Variants in HOXB5 observed in about 807,000 individuals in gnomAD.
HOXB5 encodes homeobox protein Hox-B5.
Under a neutral mutation model 19.6 loss-of-function variants are expected in HOXB5, and 10 were observed. That is an observed-to-expected ratio of 0.51 (90% CI 0.32 to 0.87). The LOEUF is 0.87. Among genes scored for constraint, HOXB5 ranks in the 40% least tolerant of loss-of-function variants. The pLI is 0.04. For missense variants in HOXB5, 353 were observed against 369.6 expected (o/e 0.96, Z 0.37); for synonymous variants, 167 against 156.9 (o/e 1.06, Z -0.48).
chr17:48,592,841 C>T (rs2070184412), intron 1 of HOXB5, among the ~76,000 whole-genome samples: 1 of 152,212 alleles, frequency 6.6e-6, no homozygotes, highest in African/African-American at 2.4e-5. Flanking sequence ...GACCCTTCCC[C>T]ACATTATATG....
rs1191833762 is a variant in HOXB5 at position 48,593,501 on chromosome 17, G to A, written c.182C>T (p.Ala61Val). ...CACCGCCCCAAAGTGGCTGGAGGAG[G>A]CCGAGGAGCGGTTGACGCTGAGGTC... ...GMDLSVNRSS[A>V]SSSHFGAVGE... is the part of the protein sequence containing the mutation. Residue 61 changes from alanine (A) to valine (V), a missense_variant, in exon 1 of 2, where the codon GCC (alanine) becomes GTC (valine). By Grantham distance (64) the Ala-to-Val change is moderately conservative. Coordinates refer to ENST00000239151, the MANE Select transcript of HOXB5 (RefSeq NM_002147.4). 6.2e-7 allele frequency: 1 copy of A among 1,613,176 alleles called. No homozygotes were observed. The highest frequency in any genetic ancestry group is 1.7e-5 in the Admixed American group (1 of 60,028).
intron 1 of HOXB5, 50 bp from the exon 2 acceptor site, chr17:48,592,506 A>T: frequency 8.8e-6 from 1 of 113,838 alleles, no homozygotes; most frequent in Non-Finnish European, 1.9e-5. Context: ...CGGTTAAGGG[A>T]GGGGGCACTG....
rs370076117 is a variant in HOXB5, at chr17:48,592,467, T to C, written c.563-11A>G. 61 of 1,526,594 alleles carry C rather than the reference T, an allele frequency of 4.0e-5. No homozygotes were observed. The African/African-American group carries it at 5.8e-4, about 14-fold the overall frequency. The allele number at this position is 1,526,594 out of a possible 1,614,324, so 94.6% of individuals were successfully genotyped here. A position where few individuals can be genotyped will look rare whatever the true frequency, so the allele number is the denominator to read the frequency against. ...CCGGCCCGGTCATATCTGGAGCAGA[T>C]AGAGGAAAGCCGCAAGGCAACATTA... On this transcript the variant is annotated splice_polypyrimidine_tract_variant and intron_variant, in intron 1 of 1. Transcript: ENST00000239151.
Position 48,593,323 on chromosome 17 carries a change from C to T in HOXB5, c.360G>A (p.Gln120=). The change falls in exon 1 of 2, where the codon CAG becomes CAA. Residue 120 remains glutamine (Q), a synonymous_variant. Transcript: ENST00000239151. The part of the protein sequence containing the change: ...AKPSASSPSD[Q]ATSASSSANF... ...TGGCGCTGGAGCTGGCTGAGGTCGC[C>T]TGGTCGGAGGGGGACGAAGCAGAGG... 1 of 1,611,152 alleles carries T rather than the reference C, an allele frequency of 6.2e-7. No individual in the cohort carries two copies. Among genetic ancestry groups the T allele is most frequent in the Non-Finnish European group, 8.5e-7 (1 of 1,177,914 alleles).
At chr17:48,592,518 G>A in intron 1 of HOXB5, 62 bp from the exon 2 acceptor site, 1 of 1,333,838 alleles carries the variant, frequency 7.5e-7, no homozygotes, top group South Asian at 1.4e-5. Context: ...GGGGCACTGG[G>A]TGGGAGGGGG....
At position 48,593,546 on chromosome 17, in the gene HOXB5, C is replaced by A. The variant is rs1337557529; in HGVS notation, c.137G>T (p.Gly46Val). The A allele has an allele frequency of 6.2e-7, 1 of 1,613,128 alleles. No individual in the cohort carries two copies. The highest frequency in any genetic ancestry group is 8.5e-7 in the Non-Finnish European group (1 of 1,180,050). The stretch of plus-strand genomic sequence containing the variant: ...GAGGTCCATCCCATTGTAATTGTAG[C>A]CGTAAGAGCCGGTGTGCATGGCAGC... Reference protein sequence around the residue: ...DPAAMHTGSYGYNYNGMDLSV... With the variant: ...DPAAMHTGSYVYNYNGMDLSV... The change falls in exon 1 of 2, where the codon GGC becomes GTC. Residue 46 changes from glycine to valine, a missense_variant. Coordinates refer to ENST00000239151, the MANE Select transcript of HOXB5 (RefSeq NM_002147.4).
At position 48,591,648 on chromosome 17, in the gene HOXB5, A is replaced by G. The variant is rs1188156614; in HGVS notation, c.*561T>C. 1 of 152,770 alleles carries G rather than the reference A, an allele frequency of 6.5e-6. No individual in the cohort carries two copies. The highest frequency in any genetic ancestry group is 2.4e-5 in the African/African-American group (1 of 41,352). The allele number at this position is 152,770 out of a possible 1,614,324, so 9.5% of individuals were successfully genotyped here. ...GTCCTCCCTAGCCCCTTCCCACCCT[A>G]GGACCAAGCCCCTAGGAGACTTGGG... is the stretch of plus-strand genomic sequence containing the variant. On this transcript the variant is annotated 3_prime_UTR_variant, in exon 2 of 2. Coordinates refer to ENST00000239151, the MANE Select transcript of HOXB5 (RefSeq NM_002147.4).
chr17:48,593,347 G>A lies in HOXB5; in HGVS notation c.336C>T (p.Pro112=), dbSNP rs770794410. The A allele has an allele frequency of 6.2e-7, 1 of 1,604,926 alleles. No individual in the cohort carries two copies. The highest frequency in any genetic ancestry group is 1.7e-5 in the Admixed American group (1 of 59,652). The change falls in exon 1 of 2, where the codon CCC becomes CCT. Residue 112 remains proline (P), a synonymous_variant. Coordinates refer to ENST00000239151, the MANE Select transcript of HOXB5 (RefSeq NM_002147.4). ...CCTGGTCGGAGGGGGACGAAGCAGA[G>A]GGCTTGGCGCCGTGGCTGTCGCCGT... is the stretch of plus-strand genomic sequence containing the variant. ...CTNGDSHGAK[P]SASSPSDQAT... is the part of the protein sequence containing the mutation.
At position 48,591,740 on chromosome 17, in the gene HOXB5, T is replaced by C. The variant is rs1229125384; in HGVS notation, c.*469A>G. 4.6e-5 allele frequency: 7 copies of C among 152,984 alleles called. No individual in the cohort carries two copies. Among genetic ancestry groups the C allele is most frequent in the Admixed American group, 4.6e-4 (7 of 15,304 alleles). The allele number at this position is 152,984 out of a possible 1,614,324, so 9.5% of individuals were successfully genotyped here. A position where few individuals can be genotyped will look rare whatever the true frequency, so the allele number is the denominator to read the frequency against. ...CTCCATCTCCGAAGCCAGCTCAGCTTGACCCCACTGCGGCACTACCCCACC... is the reference window on the plus strand; with the variant it reads ...CTCCATCTCCGAAGCCAGCTCAGCTCGACCCCACTGCGGCACTACCCCACC... On this transcript the variant is annotated 3_prime_UTR_variant, in exon 2 of 2. Coordinates refer to ENST00000239151, the MANE Select transcript of HOXB5 (RefSeq NM_002147.4).
intron 1 of HOXB5, 68 bp downstream of exon 1, chr17:48,593,053 T>TGCCCC: frequency 3.2e-6 from 2 of 621,652 alleles, no homozygotes; most frequent in Non-Finnish European, 5.7e-6. Context: ...GCTCTCCTTG[T>TGCCCC]CCCCCCGATC....
Position 48,593,547 on chromosome 17 carries a change from C to T in HOXB5, c.136G>A (p.Gly46Ser). 1 of 1,613,150 alleles carries T rather than the reference C, an allele frequency of 6.2e-7. No homozygotes were observed. Among genetic ancestry groups the T allele is most frequent in the Non-Finnish European group, 8.5e-7 (1 of 1,180,018 alleles). The stretch of plus-strand genomic sequence containing the variant: ...AGGTCCATCCCATTGTAATTGTAGC[C>T]GTAAGAGCCGGTGTGCATGGCAGCG... ...DPAAMHTGSY[G>S]YNYNGMDLSV... is the part of the protein sequence containing the mutation. Residue 46 changes from glycine to serine, a missense_variant, in exon 1 of 2, where the codon GGC becomes AGC. Coordinates refer to ENST00000239151, the MANE Select transcript of HOXB5 (RefSeq NM_002147.4).
rs1227541916 is a variant in HOXB5 at position 48,593,577 on chromosome 17, C to G, written c.106G>C (p.Asp36His). The change falls in exon 1 of 2, where the codon GAT becomes CAT. Residue 36 changes from aspartate (D) to histidine (H), a missense_variant. Asp to His is a moderately conservative substitution (Grantham distance 81). Coordinates refer to ENST00000239151, the MANE Select transcript of HOXB5 (RefSeq NM_002147.4). ...SGSSLSGSYR[D>H]PAAMHTGSYG... is the part of the protein sequence containing the mutation. ...GAGCCGGTGTGCATGGCAGCGGGAT[C>G]CCTGTAAGAGCCGCTCAGAGAGCTG... is the stretch of plus-strand genomic sequence containing the variant. 6.2e-7 allele frequency: 1 copy of G among 1,612,952 alleles called. No individual in the cohort carries two copies. Among genetic ancestry groups the G allele is most frequent in the Non-Finnish European group, 8.5e-7 (1 of 1,180,034 alleles).
chr17:48,592,523 A>AG (rs1231152038), intron 1 of HOXB5, 67 bp from the exon 2 acceptor site: 1 of 90,066 alleles, frequency 1.1e-5, no homozygotes. Context: ...ACTGGGTGGG[A>AG]GGGGGCGGGG....
At position 48,591,877 on chromosome 17, in the gene HOXB5, C is replaced by A; in HGVS notation, c.*332G>T. On this transcript the variant is annotated 3_prime_UTR_variant, in exon 2 of 2. Coordinates refer to ENST00000239151, the MANE Select transcript of HOXB5 (RefSeq NM_002147.4). ...GAGGGGAGAGTTCACATTAAACATG[C>A]GAATTTCTTTTTTTTTTTTTCCTGG... 6.0e-6 allele frequency: 1 copy of A among 168,056 alleles called. No individual in the cohort carries two copies. Among genetic ancestry groups the A allele is most frequent in the Admixed American group, 6.1e-5 (1 of 16,274 alleles). The allele number at this position is 168,056 out of a possible 1,614,324, so 10.4% of individuals were successfully genotyped here.
rs754810630 is a variant in HOXB5 at position 48,592,240 on chromosome 17, A to C, written c.779T>G (p.Leu260Arg). 2.5e-6 allele frequency: 4 copies of C among 1,613,746 alleles called. No individual in the cohort carries two copies. The South Asian group carries it at 3.3e-5, about 13-fold the overall frequency. ...KKDNKLKSMS[L>R]ATAGSAFQP is the part of the protein sequence containing the mutation. ...CTGGAAGGCGCTGCCAGCTGTAGCC[A>C]GGCTCATACTTTTCAATTTGTTGTC... Residue 260 changes from leucine (L) to arginine (R), a missense_variant, in exon 2 of 2, where the codon CTG becomes CGG. Transcript: ENST00000239151.
In HOXB5 at chr17:48,592,543, C is replaced by A. The variant is rs979058869; in HGVS notation, c.563-87G>T. ...GTGGGAGGGGGCGGGGGAGCAGGAC[C>A]CAGGCGTCCCGGCACCCAGCTCACC... On this transcript the variant is annotated intron_variant, in intron 1 of 1. Transcript: ENST00000239151. 9 of 1,356,204 alleles carry A rather than the reference C, an allele frequency of 6.6e-6. No individual in the cohort carries two copies. The East Asian group carries it at 2.0e-4, about 30-fold the overall frequency. The allele number at this position is 1,356,204 out of a possible 1,614,324, so 84.0% of individuals were successfully genotyped here.
chr17:48,592,169 T>C lies in HOXB5; in HGVS notation c.*40A>G. On this transcript the variant is annotated 3_prime_UTR_variant, in exon 2 of 2. Transcript: ENST00000239151. ...GGATTGGAGGGGCCAGGGCTGGGGGTGGCACGGGCTCTTGGGCCGCTGGGC... is the reference window on the plus strand; with the variant it reads ...GGATTGGAGGGGCCAGGGCTGGGGGCGGCACGGGCTCTTGGGCCGCTGGGC... 1 of 1,595,166 alleles carries C rather than the reference T, an allele frequency of 6.3e-7. No homozygotes were observed. Among genetic ancestry groups the C allele is most frequent in the Non-Finnish European group, 8.5e-7 (1 of 1,170,154 alleles).
At position 48,592,199 on chromosome 17, in the gene HOXB5, C is replaced by T; in HGVS notation, c.*10G>A. ...CGGGCTCTTGGGCCGCTGGGCTCCT[C>T]TGGGCGGGCTCAGGGCTGGAAGGCG... is the stretch of plus-strand genomic sequence containing the variant. On this transcript the variant is annotated 3_prime_UTR_variant, in exon 2 of 2. Transcript: ENST00000239151. 2.5e-6 allele frequency: 4 copies of T among 1,611,536 alleles called. No homozygotes were observed. The highest frequency in any genetic ancestry group is 2.2e-5 in the South Asian group (2 of 90,982).
At chr17:48,592,497 G>A (rs375024926) in intron 1 of HOXB5, 41 bp from the exon 2 acceptor site, 238 of 836,598 alleles carry the variant, frequency 2.8e-4, no homozygotes, top group Non-Finnish European at 4.1e-4. Context: ...ACATTATTCC[G>A]GTTAAGGGAG....
Sources: allele counts gnomAD v4.1 joint callset (sites outside exome capture counted in the v4.1 genomes callset), GRCh38; gene constraint gnomAD v4.1.1; transcripts MANE v1.5; gene names NCBI Gene and HGNC (gene_info 2026-07-23, HGNC 2026-07-21).